Variants in MAVS observed in about 807,000 individuals in gnomAD.
The protein encoded by MAVS is mitochondrial antiviral-signaling protein.
In MAVS, 20 loss-of-function variants were observed where a neutral mutation model predicts 30.2. The observed-to-expected ratio is 0.66, with a 90% CI of 0.47 to 0.96. MAVS has a LOEUF of 0.96. Among genes scored for constraint, MAVS ranks in the 40% least tolerant of loss-of-function variants. MAVS has a pLI of 0.00. For synonymous variants in MAVS, 278 were observed against 293.9 expected (o/e 0.95, Z 0.55); for missense variants, 624 against 701.1 (o/e 0.89, Z 1.24).
chr20:3,861,297 T>C (rs1261693508), intron 3 of MAVS, 35 bp from the exon 4 acceptor site: 1 of 1,577,078 alleles, frequency 6.3e-7, no homozygotes, highest in Non-Finnish European at 8.6e-7. Context: ...CCAGCCCTGA[T>C]TCCTTCTTGA....
chr20:3,859,378 C>T (rs1442092105), intron 3 of MAVS, among the ~76,000 whole-genome samples: 1 of 151,870 alleles, frequency 6.6e-6, no homozygotes. Flanking sequence ...CATGGTGGTG[C>T]AAGCCTGTAA....
In MAVS at chr20:3,866,097, G is replaced by A. The variant is rs776877227; in HGVS notation, c.1573G>A (p.Val525Met). The change falls in exon 7 of 7, where the codon GTG (valine) becomes ATG (methionine). Residue 525 changes from valine (V) to methionine (M), a missense_variant. Physicochemically the swap from Val to Met is conservative, Grantham distance 21. Transcript: ENST00000428216. ...GTGGCTCCAGGTGGCTGTGACAGGG[G>A]TGCTGGTAGTCACACTCCTGGTGGT... ...ALWLQVAVTG[V>M]LVVTLLVVLY... The A allele has an allele frequency of 6.2e-7, 1 of 1,609,152 alleles. No homozygotes were observed. The highest frequency in any genetic ancestry group is 8.5e-7 in the Non-Finnish European group (1 of 1,178,844).
At chr20:3,853,660 G>A (rs992081512) in intron 1 of MAVS, among the ~76,000 whole-genome samples, 2 of 152,068 alleles carry the variant, frequency 1.3e-5, no homozygotes, top group African/African-American at 4.8e-5. Context: ...TGGGCATAGT[G>A]GCGCAGGTTT....
intron 1 of MAVS, among the ~76,000 whole-genome samples, chr20:3,850,373 G>A (rs562124757): frequency 2.8e-4 from 43 of 151,356 alleles, no homozygotes; most frequent in South Asian, 1.5e-3. Flanking sequence ...CGAGGTGAGC[G>A]GATCACCTGA....
intron 3 of MAVS, among the ~76,000 whole-genome samples, chr20:3,860,828 C>T (rs1306233241): frequency 5.9e-5 from 9 of 151,712 alleles, no homozygotes; most frequent in African/African-American, 1.9e-4. Context: ...AGGTGCTTGC[C>T]AGCACGCCTG....
chr20:3,847,347 C>T (rs2089717560), intron 1 of MAVS, among the ~76,000 whole-genome samples: 3 of 152,270 alleles, frequency 2.0e-5, no homozygotes, highest in African/African-American at 7.2e-5. Flanking sequence ...AAACGGCCTC[C>T]CCGCCCTCCG....
intron 3 of MAVS, among the ~76,000 whole-genome samples, chr20:3,859,394 G>A (rs1200847450): frequency 2.6e-5 from 4 of 152,098 alleles, no homozygotes. Flanking sequence ...TGTAATCCCA[G>A]CTACTTGGGA....
At chr20:3,854,976 C>G (rs528166167) in intron 2 of MAVS, among the ~76,000 whole-genome samples, 1 of 150,844 alleles carries the variant, frequency 6.6e-6, no homozygotes, top group Non-Finnish European at 1.5e-5. Flanking sequence ...TTGCAACCTC[C>G]GCCTCCTGGG....
chr20:3,865,251 C>T lies in MAVS; in HGVS notation c.1159-432C>T, dbSNP rs2089897504. Among the ~76,000 whole-genome samples, 1 of 152,188 alleles carries T rather than the reference C, an allele frequency of 6.6e-6. No individual in the cohort carries two copies. The highest frequency in any genetic ancestry group is 1.5e-5 in the Non-Finnish European group (1 of 68,036). Reference sequence around the variant, plus strand: ...GAGCAGCCACTCGGACCCAGCAGCCCCCCATTGTTGCCTGCTCCAAGCCTC... The same window carrying T: ...GAGCAGCCACTCGGACCCAGCAGCCTCCCATTGTTGCCTGCTCCAAGCCTC... On this transcript the variant is annotated intron_variant, in intron 6 of 6. Coordinates refer to ENST00000428216, the MANE Select transcript of MAVS (RefSeq NM_020746.5). This position sits in a 1 kb window ranked among gnomAD's most constrained non-coding sequence, Gnocchi z 4.7.
rs2089887609 is a variant in MAVS at position 3,864,275 on chromosome 20, A to G, written c.645A>G (p.Thr215=). 1 of 1,610,330 alleles carries G rather than the reference A, an allele frequency of 6.2e-7. No homozygotes were observed. The highest frequency in any genetic ancestry group is 8.5e-7 in the Non-Finnish European group (1 of 1,177,984). ...THTAGATSSL[T]PSRGPVSPSV... is the part of the protein sequence containing the mutation. ...CGGCAGGTGCGACCTCCAGCCTCAC[A>G]CCATCCCGTGGGCCTGTGTCTCCAT... is the stretch of plus-strand genomic sequence containing the variant. Residue 215 remains threonine, a synonymous_variant, in exon 6 of 7, where the codon ACA becomes ACG. Transcript: ENST00000428216.
In MAVS at chr20:3,857,708, G is replaced by A. The variant is rs200408454; in HGVS notation, c.191G>A (p.Arg64Gln). The A allele has an allele frequency of 1.2e-5, 19 of 1,614,118 alleles. No individual in the cohort carries two copies. Among genetic ancestry groups the A allele is most frequent in the Admixed American group, 1.7e-5 (1 of 60,004 alleles). Residue 64 changes from arginine to glutamine, a missense_variant, in exon 3 of 7, where the codon CGG becomes CAG. Coordinates refer to ENST00000428216, the MANE Select transcript of MAVS (RefSeq NM_020746.5). ...TGGCATCTCTTCAATACCCTTCAGC[G>A]GCGGCCCGGCTGGGTGGAGTACTTC... ...TLWHLFNTLQ[R>Q]RPGWVEYFIA...
intron 3 of MAVS, among the ~76,000 whole-genome samples, chr20:3,860,373 A>ATTTTT (rs36084316): frequency 8.0e-6 from 1 of 125,070 alleles, no homozygotes. Flanking sequence ...GATTCCTTCT[A>ATTTTT]TTTTTTTTTT....
chr20:3,868,231 C>T lies in MAVS; in HGVS notation c.*2084C>T, dbSNP rs990891827. The T allele has an allele frequency of 1.3e-5, 2 of 152,350 alleles. No individual in the cohort carries two copies. The highest frequency in any genetic ancestry group is 2.9e-5 in the Non-Finnish European group (2 of 68,050). The allele number at this position is 152,350 out of a possible 1,614,324, so 9.4% of individuals were successfully genotyped here. A position where few individuals can be genotyped will look rare whatever the true frequency, so the allele number is the denominator to read the frequency against. On this transcript the variant is annotated 3_prime_UTR_variant, in exon 7 of 7. Coordinates refer to ENST00000428216, the MANE Select transcript of MAVS (RefSeq NM_020746.5). ...CTTAAAAAGCCCTCTGTCCCCCTACCCTAAACCCCAGTTAGGTACCCATGC... is the reference window on the plus strand; with the variant it reads ...CTTAAAAAGCCCTCTGTCCCCCTACTCTAAACCCCAGTTAGGTACCCATGC...
rs2089943974 is a variant in MAVS at position 3,870,283 on chromosome 20, T to G, written c.*4136T>G. On this transcript the variant is annotated 3_prime_UTR_variant, in exon 7 of 7. Coordinates refer to ENST00000428216, the MANE Select transcript of MAVS (RefSeq NM_020746.5). ...AGGGACCAGTGCCCTCCTCAGTGCT[T>G]AGGGGCAGAGCCACCTGCAGCAATG... is the stretch of plus-strand genomic sequence containing the variant. The G allele has an allele frequency of 6.6e-6, 1 of 152,394 alleles. No individual in the cohort carries two copies. The highest frequency in any genetic ancestry group is 2.4e-5 in the African/African-American group (1 of 41,448). 9.4% of individuals were successfully genotyped at this position (152,394 alleles called of 1,614,324 possible).
At position 3,854,663 on chromosome 20, in the gene MAVS, C is replaced by A; in HGVS notation, c.39C>A (p.Cys13Ter). 6.2e-7 allele frequency: 1 copy of A among 1,613,928 alleles called. No homozygotes were observed. Among genetic ancestry groups the A allele is most frequent in the Non-Finnish European group, 8.5e-7 (1 of 1,179,942 alleles). ...FAEDKTYKYI[C>*]RNFSNFCNVD... ...AAGACAAGACCTATAAGTATATCTG[C>A]CGCAATTTCAGCAATTTTTGCAATG... Residue 13 changes from cysteine to a stop codon, truncating the protein, a stop_gained, in exon 2 of 7, where the codon TGC becomes TGA. Transcript: ENST00000428216. LOFTEE classifies it high-confidence loss of function.
rs2089940646 is a variant in MAVS, at chr20:3,869,828, C to T, written c.*3681C>T. On this transcript the variant is annotated 3_prime_UTR_variant, in exon 7 of 7. Coordinates refer to ENST00000428216, the MANE Select transcript of MAVS (RefSeq NM_020746.5). ...CCATGTTGGCCAGGCTGTTCTTGAA[C>T]TCCTGACCTCAAGTGCTCCACCTGC... The T allele has an allele frequency of 6.6e-6, 1 of 152,166 alleles. No individual in the cohort carries two copies. The highest frequency in any genetic ancestry group is 2.4e-5 in the African/African-American group (1 of 41,428). 9.4% of individuals were successfully genotyped at this position (152,166 alleles called of 1,614,324 possible). A position where few individuals can be genotyped will look rare whatever the true frequency, so the allele number is the denominator to read the frequency against.
At chr20:3,864,884 C>T (rs2089895034) in intron 6 of MAVS, 96 bp downstream of exon 6, 2 of 1,460,298 alleles carry the variant, frequency 1.4e-6, no homozygotes, top group South Asian at 1.3e-5. Flanking sequence ...AGTCTGCATT[C>T]TGTGTCCAGC....
At position 3,871,999 on chromosome 20, in the gene MAVS, A is replaced by C. The variant is rs1406972459; in HGVS notation, c.*5852A>C. On this transcript the variant is annotated 3_prime_UTR_variant, in exon 7 of 7. Transcript: ENST00000428216. Reference sequence around the variant, plus strand: ...ATGAAAGAGATACCATCTCAACCCAATTGACAGCTGGTTTGCAAGATTAGG... The same window carrying C: ...ATGAAAGAGATACCATCTCAACCCACTTGACAGCTGGTTTGCAAGATTAGG... 3 of 152,346 alleles carry C rather than the reference A, an allele frequency of 2.0e-5. No homozygotes were observed. Among genetic ancestry groups the C allele is most frequent in the African/African-American group, 4.8e-5 (2 of 41,448 alleles). The allele number at this position is 152,346 out of a possible 1,614,324, so 9.4% of individuals were successfully genotyped here.
chr20:3,855,470 G>A (rs967757820), intron 2 of MAVS, among the ~76,000 whole-genome samples: 1 of 152,124 alleles, frequency 6.6e-6, no homozygotes, highest in East Asian at 1.9e-4. Context: ...GATCAGGGTC[G>A]CTCTAGCCCC....
Sources: allele counts gnomAD v4.1 joint callset (sites outside exome capture counted in the v4.1 genomes callset), GRCh38; gene constraint gnomAD v4.1.1; non-coding constraint Gnocchi (gnomAD v3.1); transcripts MANE v1.5; gene names NCBI Gene and HGNC (gene_info 2026-07-23, HGNC 2026-07-21).